ENTPD4: variants seen among roughly 807,000 people sequenced by gnomAD.
The protein encoded by ENTPD4 is Golgi UDPase.
A neutral mutation model predicts 79.1 loss-of-function variants in ENTPD4; 60 were observed. That is an observed-to-expected ratio of 0.76 (90% CI 0.62 to 0.94). The LOEUF is 0.94. Ranked by LOEUF, ENTPD4 falls within the 40% of genes least tolerant of loss-of-function variation. The probability of loss-of-function intolerance (pLI) is 0.00; values close to 1 mark genes in which losing one functional copy is unlikely to be tolerated. For missense variants in ENTPD4, 772 were observed against 775.1 expected (o/e 1.00, Z 0.05); for synonymous variants, 276 against 292.0 (o/e 0.95, Z 0.56).
chr8:23,452,943 C>A (rs1452752086), intron 1 of ENTPD4, among the ~76,000 whole-genome samples: 1 of 152,188 alleles, frequency 6.6e-6, no homozygotes, highest in Non-Finnish European at 1.5e-5. Flanking sequence ...ACAAGCCCCA[C>A]TAGGGCAGGG....
chr8:23,432,811 T>C lies in ENTPD4; in HGVS notation c.*115A>G. ...CCGCGCTCGGCCTGCATTTTGTTTT[T>C]GTTTGGAGGAACAAAAAAGGGAAAG... On this transcript the variant is annotated 3_prime_UTR_variant, in exon 13 of 13. Coordinates refer to ENST00000358689, the MANE Select transcript of ENTPD4 (RefSeq NM_004901.5). The C allele has an allele frequency of 1.4e-6, 2 of 1,445,468 alleles. No homozygotes were observed. The allele number at this position is 1,445,468 out of a possible 1,614,324, so 89.5% of individuals were successfully genotyped here.
chr8:23,449,112 T>A (rs1800814402), intron 2 of ENTPD4, among the ~76,000 whole-genome samples, 173 bp from the exon 3 acceptor site: 1 of 152,182 alleles, frequency 6.6e-6, no homozygotes, highest in South Asian at 2.1e-4. Context: ...CCCCTTATCA[T>A]AAAATCATCT....
At chr8:23,435,586 G>C in intron 10 of ENTPD4, 109 bp from the exon 11 acceptor site, 1 of 744,914 alleles carries the variant, frequency 1.3e-6, no homozygotes, top group Non-Finnish European at 2.3e-6. Context: ...CTTCCCATTA[G>C]GAAACACACA....
intron 1 of ENTPD4, among the ~76,000 whole-genome samples, chr8:23,456,077 T>G (rs1200845247): frequency 6.6e-6 from 1 of 152,230 alleles, no homozygotes; most frequent in Admixed American, 6.5e-5. Flanking sequence ...CTTCAAAATA[T>G]GATCAGCTAA....
intron 5 of ENTPD4, 108 bp from the exon 6 acceptor site, chr8:23,444,061 T>C (rs1800720303): frequency 4.4e-6 from 3 of 678,842 alleles, no homozygotes; most frequent in Non-Finnish European, 7.5e-6. Flanking sequence ...GGATCTGGTA[T>C]ATCTTGTATG....
chr8:23,442,143 C>A, intron 6 of ENTPD4, 77 bp from the exon 7 acceptor site: 1 of 970,796 alleles, frequency 1.0e-6, no homozygotes, highest in Non-Finnish European at 1.6e-6. Context: ...GCAGTCTGTG[C>A]AAACGTCTCA....
chr8:23,449,126 T>A (rs1308309157), intron 2 of ENTPD4, among the ~76,000 whole-genome samples, 187 bp from the exon 3 acceptor site: 1 of 152,202 alleles, frequency 6.6e-6, no homozygotes, highest in Non-Finnish European at 1.5e-5. Context: ...ATCATCTGAA[T>A]GAGAATCAGG....
intron 11 of ENTPD4, chr8:23,434,684 G>C: frequency 7.1e-7 from 1 of 1,410,718 alleles, no homozygotes; most frequent in Non-Finnish European, 9.2e-7. Context: ...CAGTTCACCT[G>C]TCAAATCAAT....
In ENTPD4 at chr8:23,431,752, A is replaced by AC. The variant is rs1228305083; in HGVS notation, c.*1173dup. 2.0e-6 allele frequency: 2 copies of AC among 985,340 alleles called. No individual in the cohort carries two copies. Among genetic ancestry groups the AC allele is most frequent in the Non-Finnish European group, 2.4e-6 (2 of 829,950 alleles). 61.0% of individuals were successfully genotyped at this position (985,340 alleles called of 1,614,324 possible). A position where few individuals can be genotyped will look rare whatever the true frequency, so the allele number is the denominator to read the frequency against. On this transcript the variant is annotated 3_prime_UTR_variant, in exon 13 of 13. Transcript: ENST00000358689. ...AACTGAGGCACGATTAAGCAGAAAC[A>AC]CTGAGGAATACTGAGCAAGAAGTGG... is the stretch of plus-strand genomic sequence containing the variant.
Position 23,432,004 on chromosome 8 carries a change from T to C in ENTPD4, c.*922A>G. On this transcript the variant is annotated 3_prime_UTR_variant, in exon 13 of 13. Transcript: ENST00000358689. ...ATTGCCTCCCCTCACGCTGGTTTCTTGGGATTTTTCACACACTCGCACAAA... is the reference window on the plus strand; with the variant it reads ...ATTGCCTCCCCTCACGCTGGTTTCTCGGGATTTTTCACACACTCGCACAAA... 1 of 985,434 alleles carries C rather than the reference T, an allele frequency of 1.0e-6. No homozygotes were observed. Among genetic ancestry groups the C allele is most frequent in the Non-Finnish European group, 1.2e-6 (1 of 829,936 alleles). 61.0% of individuals were successfully genotyped at this position (985,434 alleles called of 1,614,324 possible).
chr8:23,434,255 T>A, intron 12 of ENTPD4, 62 bp downstream of exon 12: 2 of 1,586,100 alleles, frequency 1.3e-6, no homozygotes. Flanking sequence ...ACAGCTGCCA[T>A]GAGGTGCTGT....
At chr8:23,441,012 A>G (rs192562379) in intron 8 of ENTPD4, among the ~76,000 whole-genome samples, 43 of 152,326 alleles carry the variant, frequency 2.8e-4, no homozygotes, top group African/African-American at 9.9e-4. Flanking sequence ...ATGGAGTAAT[A>G]AAGACGTGTA....
chr8:23,453,131 T>G (rs1358443693), intron 1 of ENTPD4, among the ~76,000 whole-genome samples: 1 of 152,036 alleles, frequency 6.6e-6, no homozygotes, highest in Non-Finnish European at 1.5e-5. Context: ...CACAAAGATA[T>G]TAGAGAGTAA....
rs1414811040 is a variant in ENTPD4 at position 23,430,858 on chromosome 8, CCTCCAGGA to C, written c.*2060_*2067del. The C allele has an allele frequency of 1.0e-3, 1,024 of 985,566 alleles. 10 individuals are homozygous for C. In the African/African-American group the frequency reaches 0.017, roughly 16 times the overall value. The allele number at this position is 985,566 out of a possible 1,614,324, so 61.1% of individuals were successfully genotyped here. A position where few individuals can be genotyped will look rare whatever the true frequency, so the allele number is the denominator to read the frequency against. On this transcript the variant is annotated 3_prime_UTR_variant, in exon 13 of 13. Transcript: ENST00000358689. ...CAGCCTCCACCAATAATCCATGGCTCCTCCAGGAAGTGTCGCAGGCAGGTGGCCAAGAC... is the reference window on the plus strand; with the variant it reads ...CAGCCTCCACCAATAATCCATGGCTCAGTGTCGCAGGCAGGTGGCCAAGAC...
intron 6 of ENTPD4, among the ~76,000 whole-genome samples, chr8:23,442,347 T>G (rs557248951): frequency 1.3e-5 from 2 of 152,314 alleles, no homozygotes; most frequent in African/African-American, 4.8e-5. Flanking sequence ...ATACTATAAT[T>G]TTCACTTTTA....
intron 4 of ENTPD4, among the ~76,000 whole-genome samples, chr8:23,444,843 C>G (rs1233568640): frequency 6.6e-6 from 1 of 152,146 alleles, no homozygotes; most frequent in African/African-American, 2.4e-5. Context: ...TGCTGTGTGT[C>G]ACTGCCATGC....
chr8:23,443,776 G>C, intron 6 of ENTPD4, 74 bp downstream of exon 6: 1 of 820,896 alleles, frequency 1.2e-6, no homozygotes, highest in Admixed American at 1.9e-5. Context: ...TATAACAAAG[G>C]GTACATTGGT....
chr8:23,445,635 A>C (rs1026766361), intron 4 of ENTPD4, among the ~76,000 whole-genome samples: 2 of 152,096 alleles, frequency 1.3e-5, no homozygotes, highest in Non-Finnish European at 2.9e-5. Flanking sequence ...CCCTAACAGA[A>C]CCCTGAAGAC....
At chr8:23,439,993 T>A in intron 8 of ENTPD4, 78 bp from the exon 9 acceptor site, 1 of 1,309,474 alleles carries the variant, frequency 7.6e-7, no homozygotes, top group South Asian at 1.3e-5. Context: ...CTAAAAATAG[T>A]CTCATCTAAA....
Sources: allele counts gnomAD v4.1 joint callset (sites outside exome capture counted in the v4.1 genomes callset), GRCh38; gene constraint gnomAD v4.1.1; transcripts MANE v1.5; gene names NCBI Gene and HGNC (gene_info 2026-07-23, HGNC 2026-07-21).